APBB2: variants seen among roughly 807,000 people sequenced by gnomAD.
APBB2 encodes Fe65-like 1.
Under a neutral mutation model 82.5 loss-of-function variants are expected in APBB2, and 38 were observed. The observed-to-expected ratio is 0.46, with a 90% CI of 0.36 to 0.60. The LOEUF (loss-of-function observed/expected upper bound fraction) is 0.60. Among genes scored for constraint, APBB2 ranks in the 20% least tolerant of loss-of-function variants. APBB2 has a pLI of 0.00. For synonymous variants in APBB2, 341 were observed against 368.2 expected (o/e 0.93, Z 0.85); for missense variants, 772 against 972.3 (o/e 0.79, Z 2.74).
At chr4:40,965,479 C>G (rs1369209612) in intron 6 of APBB2, among the ~76,000 whole-genome samples, 2 of 152,114 alleles carry the variant, frequency 1.3e-5, no homozygotes, top group Non-Finnish European at 2.9e-5. Flanking sequence ...CATGGGGCTA[C>G]TGAGCATATT....
intron 1 of APBB2, among the ~76,000 whole-genome samples, chr4:41,175,799 G>A (rs1026651191): frequency 2.6e-5 from 4 of 152,116 alleles, no homozygotes; most frequent in African/African-American, 9.6e-5. Flanking sequence ...TAGATGTGAG[G>A]AAGAAAACAG....
chr4:41,136,169 T>C (rs1757502019), intron 2 of APBB2, among the ~76,000 whole-genome samples: 1 of 152,232 alleles, frequency 6.6e-6, no homozygotes, highest in African/African-American at 2.4e-5. Flanking sequence ...AAGTAAACGA[T>C]GGTTAAGAGG....
intron 12 of APBB2, among the ~76,000 whole-genome samples, chr4:40,875,043 C>T (rs775136661): frequency 4.6e-5 from 7 of 152,150 alleles, no homozygotes; most frequent in Non-Finnish European, 8.8e-5. Context: ...AGGCACAGTC[C>T]GGTGCAGCTG....
intron 1 of APBB2, among the ~76,000 whole-genome samples, chr4:41,178,932 C>T (rs1770571809): frequency 6.6e-6 from 1 of 152,210 alleles, no homozygotes; most frequent in Admixed American, 6.5e-5. Context: ...CCCTTCCACC[C>T]ACCCAGAACT....
At chr4:40,864,152 G>A (rs1763476056) in intron 12 of APBB2, among the ~76,000 whole-genome samples, 1 of 152,072 alleles carries the variant, frequency 6.6e-6, no homozygotes, top group Non-Finnish European at 1.5e-5. Flanking sequence ...TACTTGGGAG[G>A]CTGAGGCAGG....
intron 4 of APBB2, among the ~76,000 whole-genome samples, chr4:41,054,467 C>A (rs550751287): frequency 6.6e-5 from 10 of 152,214 alleles, no homozygotes; most frequent in Non-Finnish European, 1.3e-4. Context: ...CTATGAGCAA[C>A]AATGGAACAG....
chr4:41,063,988 G>A (rs935382453), intron 4 of APBB2, among the ~76,000 whole-genome samples: 1 of 113,006 alleles, frequency 8.8e-6, no homozygotes, highest in Non-Finnish European at 1.6e-5. Context: ...ACAGAATCTC[G>A]CTGTGTCGCC....
intron 4 of APBB2, among the ~76,000 whole-genome samples, chr4:41,060,427 G>T (rs113213413): frequency 6.6e-6 from 1 of 152,032 alleles, no homozygotes; most frequent in Non-Finnish European, 1.5e-5. Flanking sequence ...TTTATTCAGC[G>T]TCAGGCTCCA....
intron 4 of APBB2, among the ~76,000 whole-genome samples, chr4:41,043,028 AT>A (rs1246858900): frequency 1.4e-4 from 22 of 151,822 alleles, no homozygotes; most frequent in South Asian, 2.1e-4. Flanking sequence ...TCTATTTTTT[AT>A]TTTTTTCTTT....
At chr4:40,853,070 AAT>A (rs751251528) in intron 12 of APBB2, among the ~76,000 whole-genome samples, 5 of 152,150 alleles carry the variant, frequency 3.3e-5, no homozygotes, top group Admixed American at 6.5e-5. Context: ...GCATCAAAGA[AAT>A]CAGGTATGGT....
intron 12 of APBB2, among the ~76,000 whole-genome samples, chr4:40,867,658 A>G (rs186307647): frequency 6.6e-6 from 1 of 152,336 alleles, no homozygotes; most frequent in African/African-American, 2.4e-5. Context: ...AAAGTTCCAC[A>G]CAAAGTTCAC....
chr4:40,936,085 C>T (rs1054806804), intron 7 of APBB2, among the ~76,000 whole-genome samples: 19 of 152,178 alleles, frequency 1.2e-4, no homozygotes, highest in African/African-American at 4.3e-4. Flanking sequence ...AAGAAATCAA[C>T]CATCAAAACT....
chr4:41,102,677 TGGTATCCC>T (rs1323653524), intron 2 of APBB2, among the ~76,000 whole-genome samples: 1 of 152,220 alleles, frequency 6.6e-6, no homozygotes, highest in Non-Finnish European at 1.5e-5. Flanking sequence ...AAGCCATATC[TGGTATCCC>T]GACTCCATCT....
chr4:41,041,709 G>C (rs926765317), intron 4 of APBB2, among the ~76,000 whole-genome samples: 1 of 152,154 alleles, frequency 6.6e-6, no homozygotes, highest in Non-Finnish European at 1.5e-5. Context: ...TATGATCCTA[G>C]CTCTTTATCT....
rs1232222517 is a variant in APBB2 at position 40,865,450 on chromosome 4, T to A, written c.1529+24914A>T. 3.9e-5 allele frequency among the ~76,000 whole-genome samples: 6 copies of A among 152,338 alleles called. No individual in the cohort carries two copies. In the East Asian group the frequency reaches 1.2e-3, roughly 29 times the overall value. On this transcript the variant is annotated intron_variant, in intron 12 of 17. Coordinates refer to ENST00000508593, the MANE Select transcript of APBB2 (RefSeq NM_004307.2). ...AGGAGTGAAGACAAGAGAAGTTCTT[T>A]AAAAATAAGTAAGAATTTTCCCTCA...
chr4:41,134,719 G>A (rs1484337030), intron 2 of APBB2, among the ~76,000 whole-genome samples: 3 of 152,088 alleles, frequency 2.0e-5, no homozygotes, highest in South Asian at 2.1e-4. Flanking sequence ...GTCTGCCCCC[G>A]CCTTGAGCCA....
chr4:41,166,546 C>T (rs1766671526), intron 1 of APBB2, among the ~76,000 whole-genome samples: 1 of 151,158 alleles, frequency 6.6e-6, no homozygotes, highest in Non-Finnish European at 1.5e-5. Context: ...CCACTGCACT[C>T]CAGCCGGGTC....
chr4:40,845,261 T>C (rs1757125976), intron 12 of APBB2, among the ~76,000 whole-genome samples: 1 of 152,158 alleles, frequency 6.6e-6, no homozygotes, highest in East Asian at 1.9e-4. Flanking sequence ...ATTCAGCACC[T>C]TGTAAATTTG....
chr4:41,035,718 T>C (rs577510599), intron 4 of APBB2, among the ~76,000 whole-genome samples: 1 of 152,304 alleles, frequency 6.6e-6, no homozygotes, highest in South Asian at 2.1e-4. Flanking sequence ...TTCAACCAAG[T>C]GAGGATCAGA....
Sources: gnomAD v4.1 joint callset for allele counts (sites outside exome capture counted in the v4.1 genomes callset) on GRCh38, gnomAD v4.1.1 for gene constraint, MANE v1.5 for transcripts, NCBI Gene and HGNC (gene_info 2026-07-23, HGNC 2026-07-21) for gene names.